LAMA5: variants seen among roughly 807,000 people sequenced by gnomAD.
The protein encoded by LAMA5 is laminin subunit alpha-5.
A neutral mutation model predicts 433.4 loss-of-function variants in LAMA5; 260 were observed. The ratio of observed to expected loss-of-function variants is 0.60; its 90% CI spans 0.54 to 0.66. LAMA5 has a LOEUF of 0.66. LAMA5 is among the 30% of genes least tolerant of loss of function. The probability of loss-of-function intolerance (pLI) is 0.00; values close to 1 mark genes in which losing one functional copy is unlikely to be tolerated. For missense variants in LAMA5, 5,378 were observed against 5,258.5 expected (o/e 1.02, Z -0.70); for synonymous variants, 2,620 against 2,226.6 (o/e 1.18, Z -4.97).
At position 62,314,450 on chromosome 20, in the gene LAMA5, TGACA is replaced by T. The variant is rs1373769865; in HGVS notation, c.8368-14_8368-11del. The T allele has an allele frequency of 9.3e-6, 15 of 1,612,922 alleles. No homozygotes were observed. The highest frequency in any genetic ancestry group is 1.2e-5 in the Non-Finnish European group (14 of 1,179,810). On this transcript the variant is annotated splice_polypyrimidine_tract_variant and intron_variant, in intron 61 of 79. Transcript: ENST00000252999. ...TGTAGTCCCCAGTGGCCTGCGGCAG[TGACA>T]GACACACAGTCGGGATGGGGACCGG...
rs560805232 is a variant in LAMA5, at chr20:62,346,445, G to A, written c.1282+61C>T. 1.1e-3 allele frequency: 1,681 copies of A among 1,497,626 alleles called. 3 individuals carry two copies. The highest frequency in any genetic ancestry group is 2.5e-3 in the Admixed American group (123 of 49,908). 92.8% of individuals were successfully genotyped at this position (1,497,626 alleles called of 1,614,324 possible). Reference sequence around the variant, plus strand: ...CTCCAAAGCAGCCCCAAAGGCCCAAGAACACCTCTTTCCAGGCAGACCCTG... The same window carrying A: ...CTCCAAAGCAGCCCCAAAGGCCCAAAAACACCTCTTTCCAGGCAGACCCTG... On this transcript the variant is annotated intron_variant, in intron 9 of 79. Coordinates refer to ENST00000252999, the MANE Select transcript of LAMA5 (RefSeq NM_005560.6).
At chr20:62,337,773 C>T in intron 15 of LAMA5, 31 bp downstream of exon 15, 1 of 1,609,194 alleles carries the variant, frequency 6.2e-7, no homozygotes. Context: ...ACTGCACCTG[C>T]CTCCCCACCA....
rs202030713 is a variant in LAMA5, at chr20:62,311,834, C to A, written c.9636-50G>T. ...CGGTTTTTCCCCACCCTGCCCACCC[C>A]CACCTCAGAGGAGACAGAGGTCCAG... On this transcript the variant is annotated intron_variant, in intron 70 of 79. Coordinates refer to ENST00000252999, the MANE Select transcript of LAMA5 (RefSeq NM_005560.6). The A allele has an allele frequency of 3.1e-3, 4,895 of 1,556,822 alleles. 10 individuals are homozygous for A. Among genetic ancestry groups the A allele is most frequent in the Non-Finnish European group, 3.9e-3 (4,539 of 1,149,660 alleles).
rs769508079 is a variant in LAMA5 at position 62,335,258 on chromosome 20, C to G, written c.2335G>C (p.Asp779His). 1 of 1,612,254 alleles carries G rather than the reference C, an allele frequency of 6.2e-7. No individual in the cohort carries two copies. The highest frequency in any genetic ancestry group is 8.5e-7 in the Non-Finnish European group (1 of 1,179,484). ...NPEGCTRCSCDLRGTLGGVAE... is the reference protein window; with the variant it reads ...NPEGCTRCSCHLRGTLGGVAE... The stretch of plus-strand genomic sequence containing the variant: ...ACTCCACCCAGTGTGCCCCTGAGGT[C>G]GCAGCTGCAGCCTGGGGAGAGCAGG... The change falls in exon 19 of 80, where the codon GAC becomes CAC. Residue 779 changes from aspartate (D) to histidine (H), a missense_variant. Physicochemically the swap from Asp to His is moderately conservative, Grantham distance 81 (BLOSUM62 -1). Coordinates refer to ENST00000252999, the MANE Select transcript of LAMA5 (RefSeq NM_005560.6).
intron 11 of LAMA5, among the ~76,000 whole-genome samples, chr20:62,340,305 G>GTTTTTTTTTTTTTTTTTTTTTTTTTTTTT: frequency 1.0e-5 from 1 of 99,464 alleles, no homozygotes; most frequent in Non-Finnish European, 1.8e-5. Context: ...AGCCTCCTTT[G>GTTTTTTTTTTTTTTTTTTTTTTTTTTTTT]TTTTTTTTTT....
chr20:62,329,938 G>A (rs774191952), intron 31 of LAMA5, 22 bp from the exon 32 acceptor site: 1 of 1,607,490 alleles, frequency 6.2e-7, no homozygotes, highest in Admixed American at 1.7e-5. Context: ...AGAAAGGCAG[G>A]GTCAGGCCCC....
chr20:62,324,312 G>T lies in LAMA5; in HGVS notation c.5644-108C>A. The T allele has an allele frequency of 2.7e-6, 4 of 1,470,472 alleles. No homozygotes were observed. The highest frequency in any genetic ancestry group is 3.7e-6 in the Non-Finnish European group (4 of 1,081,364). 91.1% of individuals were successfully genotyped at this position (1,470,472 alleles called of 1,614,324 possible). On this transcript the variant is annotated intron_variant, in intron 42 of 79. Transcript: ENST00000252999. This position sits in a 1 kb window ranked among gnomAD's most constrained non-coding sequence, Gnocchi z 4.4. ...CAGACTCTGTGCCCAAGGCCAGATG[G>T]TCCCCCACTGGGCAACACCCTTCCC...
intron 2 of LAMA5, among the ~76,000 whole-genome samples, chr20:62,355,867 C>A (rs1985136882): frequency 6.6e-6 from 1 of 152,034 alleles, no homozygotes; most frequent in Non-Finnish European, 1.5e-5. Context: ...ACAGGCTGTT[C>A]TCGGGGAGCT....
chr20:62,320,990 C>A, intron 48 of LAMA5, 100 bp from the exon 49 acceptor site: 1 of 1,341,682 alleles, frequency 7.5e-7, no homozygotes, highest in Non-Finnish European at 1.0e-6. Context: ...AGGGCTCAGC[C>A]AGAGGTCATG....
chr20:62,337,453 C>T lies in LAMA5; in HGVS notation c.2164+137G>A, dbSNP rs1433014985. On this transcript the variant is annotated intron_variant, in intron 16 of 79. Coordinates refer to ENST00000252999, the MANE Select transcript of LAMA5 (RefSeq NM_005560.6). ...ACGGCATGTGAACAAGGTGCGAACA[C>T]AGAGCGTGGGGACGCAGTCGCAGTA... 5 of 1,216,616 alleles carry T rather than the reference C, an allele frequency of 4.1e-6. No individual in the cohort carries two copies. The East Asian group carries it at 1.3e-4, about 31-fold the overall frequency. 75.4% of individuals were successfully genotyped at this position (1,216,616 alleles called of 1,614,324 possible). A position where few individuals can be genotyped will look rare whatever the true frequency, so the allele number is the denominator to read the frequency against.
At position 62,315,046 on chromosome 20, in the gene LAMA5, G is replaced by A. The variant is rs770049541; in HGVS notation, c.8029C>T (p.Leu2677Phe). ...GGCGCACCTGAGTGGCCTGCGTCAA[G>A]CACTGCCTGGCCCAGGTCCTGGCCC... ...LRGQDLGQAV[L>F]DAGHSVSTLE... is the part of the protein sequence containing the mutation. Residue 2677 changes from leucine to phenylalanine, a missense_variant, in exon 59 of 80, where the codon CTT becomes TTT. Coordinates refer to ENST00000252999, the MANE Select transcript of LAMA5 (RefSeq NM_005560.6). 8 of 1,596,594 alleles carry A rather than the reference G, an allele frequency of 5.0e-6. No homozygotes were observed. Among genetic ancestry groups the A allele is most frequent in the Non-Finnish European group, 6.8e-6 (8 of 1,177,654 alleles).
intron 79 of LAMA5, 82 bp downstream of exon 79, chr20:62,309,634 A>AGGGTGGGAG (rs1555864616): frequency 1.4e-5 from 6 of 425,044 alleles, no homozygotes; most frequent in East Asian, 4.6e-5. Context: ...CAGGGGGTGG[A>AGGGTGGGAG]GGGGTGGGGG....
Position 62,312,747 on chromosome 20 carries a change from G to C in LAMA5, c.9112C>G (p.Arg3038Gly). 3 of 1,590,324 alleles carry C rather than the reference G, an allele frequency of 1.9e-6. No individual in the cohort carries two copies. Among genetic ancestry groups the C allele is most frequent in the Non-Finnish European group, 2.6e-6 (3 of 1,170,058 alleles). The change falls in exon 67 of 80, where the codon CGT (arginine) becomes GGT (glycine). Residue 3038 changes from arginine to glycine, a missense_variant. Coordinates refer to ENST00000252999, the MANE Select transcript of LAMA5 (RefSeq NM_005560.6). Reference protein sequence around the residue: ...QVFLLGGSRKRVLVRVERATV... With the variant: ...QVFLLGGSRKGVLVRVERATV... ...GCCCGCTCCACACGCACCAGCACAC[G>C]CTTGCGGCTGCCCCCCAGCAGGAAC...
At chr20:62,365,403 G>C (rs73916539) in intron 1 of LAMA5, among the ~76,000 whole-genome samples, 4,353 of 152,338 alleles carry the variant, frequency 0.029, 201 homozygotes, top group African/African-American at 0.099. Context: ...GTTGACTACA[G>C]GCTGGCCCTT....
At chr20:62,340,191 CAGAG>C (rs1982359396) in intron 11 of LAMA5, among the ~76,000 whole-genome samples, 1 of 151,304 alleles carries the variant, frequency 6.6e-6, no homozygotes, top group African/African-American at 2.4e-5. Context: ...AAACCAGAGT[CAGAG>C]AGAGACAAAG....
rs1443898598 is a variant in LAMA5 at position 62,311,782 on chromosome 20, ACT to A, written c.9636_9637del (p.Val3213LeufsTer6). 6.4e-7 allele frequency: 1 copy of A among 1,558,332 alleles called. No homozygotes were observed. The highest frequency in any genetic ancestry group is 8.7e-7 in the Non-Finnish European group (1 of 1,152,402). ...GAGCTGGTCATCGACATACAGCCAG[ACT>A]CTGGGGGGCGGGAGGCCGGAGGCTC... is the stretch of plus-strand genomic sequence containing the variant. On this transcript the variant is annotated frameshift_variant and splice_region_variant, in exon 71 of 80. Transcript: ENST00000252999. LOFTEE classifies it high-confidence loss of function.
intron 26 of LAMA5, 66 bp from the exon 27 acceptor site, chr20:62,332,783 ACTCCAG>A: frequency 6.5e-7 from 1 of 1,545,580 alleles, no homozygotes; most frequent in Non-Finnish European, 8.7e-7. Context: ...CTCCCCTCCC[ACTCCAG>A]CGCCTCCCTG....
rs748095075 is a variant in LAMA5, at chr20:62,346,585, G to A, written c.1203C>T (p.Thr401=). Residue 401 remains threonine, a synonymous_variant, in exon 9 of 80, where the codon ACC becomes ACT. Transcript: ENST00000252999. ...GVCIDCQHHT[T]GVNCERCLPG... Reference sequence around the variant, plus strand: ...GCAGGCAGCGCTCACAGTTGACGCCGGTGGTGTGGTGCTGGGAGTGCAATG... The same window carrying A: ...GCAGGCAGCGCTCACAGTTGACGCCAGTGGTGTGGTGCTGGGAGTGCAATG... 2.2e-5 allele frequency: 35 copies of A among 1,595,834 alleles called. No homozygotes were observed. The highest frequency in any genetic ancestry group is 8.1e-5 in the African/African-American group (6 of 74,494).
At position 62,328,970 on chromosome 20, in the gene LAMA5, G is replaced by C. The variant is rs1198415050; in HGVS notation, c.4321C>G (p.His1441Asp). 4.3e-6 allele frequency: 7 copies of C among 1,612,356 alleles called. No individual in the cohort carries two copies. Among genetic ancestry groups the C allele is most frequent in the Non-Finnish European group, 5.9e-6 (7 of 1,179,714 alleles). The change falls in exon 34 of 80, where the codon CAC becomes GAC. Residue 1441 changes from histidine to aspartate, a missense_variant. Physicochemically the swap from His to Asp is moderately conservative, Grantham distance 81. Transcript: ENST00000252999. ...GTGGGGCCTGTAGCACCTACTTCGT[G>C]GCAGCCACATGGACGGGCTCCGTTG... ...YNNGARPCGC[H>D]EVGATGPTCE...
Sources: allele counts gnomAD v4.1 joint callset (sites outside exome capture counted in the v4.1 genomes callset), GRCh38; gene constraint gnomAD v4.1.1; non-coding constraint Gnocchi (gnomAD v3.1); transcripts MANE v1.5; gene names NCBI Gene and HGNC (gene_info 2026-07-23, HGNC 2026-07-21).